Variants in DIP2A observed in about 807,000 individuals in gnomAD.
DIP2A encodes the protein disco-interacting protein 2 homolog A.
DIP2A carries 85 observed loss-of-function variants against 177.4 expected under a neutral mutation model. The ratio of observed to expected loss-of-function variants is 0.48; its 90% CI spans 0.40 to 0.57. The LOEUF is 0.57. Among genes scored for constraint, DIP2A ranks in the 20% least tolerant of loss-of-function variants. The pLI is 0.00. For synonymous variants in DIP2A, 886 were observed against 881.8 expected (o/e 1.00, Z -0.08); for missense variants, 1,791 against 2,100.2 (o/e 0.85, Z 2.88).
intron 9 of DIP2A, among the ~76,000 whole-genome samples, chr21:46,531,026 A>G (rs940517112): frequency 1.3e-5 from 2 of 152,174 alleles, no homozygotes; most frequent in African/African-American, 4.8e-5. Context: ...GCTCGCAAGC[A>G]CTTTCTTGTC....
intron 4 of DIP2A, among the ~76,000 whole-genome samples, chr21:46,497,523 G>C (rs1466950200): frequency 6.6e-6 from 1 of 152,140 alleles, no homozygotes; most frequent in Non-Finnish European, 1.5e-5. Context: ...AACAGTATAA[G>C]ACTATTTGGA....
chr21:46,490,997 A>G (rs546359248), intron 3 of DIP2A, among the ~76,000 whole-genome samples: 10 of 152,336 alleles, frequency 6.6e-5, no homozygotes, highest in Admixed American at 6.5e-4. Flanking sequence ...TCTTACTAGA[A>G]TAATTTCTTT....
intron 19 of DIP2A, among the ~76,000 whole-genome samples, chr21:46,545,479 G>GC (rs2059990656): frequency 1.3e-5 from 2 of 152,344 alleles, no homozygotes; most frequent in South Asian, 4.1e-4. Flanking sequence ...GACCAGGCAT[G>GC]CTGTGGAGGG....
At chr21:46,460,048 G>A (rs992474592) in intron 1 of DIP2A, among the ~76,000 whole-genome samples, 1 of 152,226 alleles carries the variant, frequency 6.6e-6, no homozygotes, top group Non-Finnish European at 1.5e-5. Flanking sequence ...TACTCTAGGA[G>A]CTGCACCCTG....
At chr21:46,511,248 A>T (rs1484092668) in intron 7 of DIP2A, among the ~76,000 whole-genome samples, 169 bp from the exon 8 acceptor site, 1 of 152,210 alleles carries the variant, frequency 6.6e-6, no homozygotes, top group Non-Finnish European at 1.5e-5. Context: ...AGCTCCTTTA[A>T]TCCTTTGGTT....
At chr21:46,497,248 C>T (rs1216992665) in intron 4 of DIP2A, 141 bp downstream of exon 4, 4 of 1,035,036 alleles carry the variant, frequency 3.9e-6, no homozygotes, top group Admixed American at 3.4e-5. Context: ...AAAATGTTTG[C>T]ATATGCTCGT....
intron 35 of DIP2A, 143 bp downstream of exon 35, chr21:46,564,075 C>T: frequency 2.2e-6 from 2 of 904,498 alleles, no homozygotes; most frequent in South Asian, 1.7e-5. Flanking sequence ...CCGTGTACCT[C>T]CCAGACCCAG....
At chr21:46,558,795 T>C (rs1314371298) in intron 32 of DIP2A, 4 of 269,898 alleles carry the variant, frequency 1.5e-5, no homozygotes, top group Admixed American at 5.2e-5. Flanking sequence ...AATGTCTTAT[T>C]AAAAGGAAGC....
intron 1 of DIP2A, among the ~76,000 whole-genome samples, chr21:46,461,897 CAAAAA>C (rs34255178): frequency 7.2e-6 from 1 of 138,720 alleles, no homozygotes; most frequent in Non-Finnish European, 1.6e-5. Context: ...CTGCCTCTTC[CAAAAA>C]AAAAAAAAAA....
rs2060458351 is a variant in DIP2A at position 46,556,090 on chromosome 21, A to G, written c.3497A>G (p.Lys1166Arg). 2 of 1,612,430 alleles carry G rather than the reference A, an allele frequency of 1.2e-6. No homozygotes were observed. The highest frequency in any genetic ancestry group is 1.7e-6 in the Non-Finnish European group (2 of 1,178,494). ...VSTTGILAGV[K>R]MSHAATSALC... ...ACCACTGGGATATTAGCGGGAGTGAAGGTAGGTCCTCTGAAATCTTGTTTG... is the reference window on the plus strand; with the variant it reads ...ACCACTGGGATATTAGCGGGAGTGAGGGTAGGTCCTCTGAAATCTTGTTTG... The change falls in exon 29 of 38, where the codon AAG becomes AGG. Residue 1166 changes from lysine to arginine, a missense_variant and splice_region_variant. Coordinates refer to ENST00000417564, the MANE Select transcript of DIP2A (RefSeq NM_015151.4). This position sits in a 1 kb window ranked among gnomAD's most constrained non-coding sequence, Gnocchi z 4.5.
chr21:46,573,689 T>A (rs1299785839), downstream of DIP2A, among the ~76,000 whole-genome samples: 2 of 103,940 alleles, frequency 1.9e-5, no homozygotes, highest in Non-Finnish European at 2.0e-5. Context: ...AAAAAGATAT[T>A]CCATGCAAAT....
rs768372604 is a variant in DIP2A at position 46,546,996 on chromosome 21, G to A, written c.2476G>A (p.Ala826Thr). Reference sequence around the variant, plus strand: ...CAGACACAATGCAGATGACGTTGTGGCCACCGCACTGGCCGTGGAGCCCAT... The same window carrying A: ...CAGACACAATGCAGATGACGTTGTGACCACCGCACTGGCCGTGGAGCCCAT... ...VRRHNADDVVATALAVEPMKF... is the reference protein window; with the variant it reads ...VRRHNADDVVTTALAVEPMKF... Residue 826 changes from alanine to threonine, a missense_variant, in exon 21 of 38, where the codon GCC becomes ACC. By Grantham distance (58) the Ala-to-Thr change is moderately conservative. Coordinates refer to ENST00000417564, the MANE Select transcript of DIP2A (RefSeq NM_015151.4). The A allele has an allele frequency of 3.2e-5, 51 of 1,613,856 alleles. No individual in the cohort carries two copies. Among genetic ancestry groups the A allele is most frequent in the Middle Eastern group, 1.6e-4 (1 of 6,084 alleles).
At chr21:46,486,289 C>G (rs545401828) in intron 2 of DIP2A, among the ~76,000 whole-genome samples, 1 of 152,236 alleles carries the variant, frequency 6.6e-6, no homozygotes, top group African/African-American at 2.4e-5. Context: ...ACTGCAGTCT[C>G]AAACTCCTGG....
At chr21:46,501,904 CATCAGGCT>C (rs1291911307) in intron 5 of DIP2A, among the ~76,000 whole-genome samples, 1 of 152,158 alleles carries the variant, frequency 6.6e-6, no homozygotes, top group Non-Finnish European at 1.5e-5. Flanking sequence ...ATTTGATCAG[CATCAGGCT>C]TTTTCAAGGG....
chr21:46,469,726 T>C (rs1344241576), intron 1 of DIP2A, among the ~76,000 whole-genome samples: 2 of 152,236 alleles, frequency 1.3e-5, no homozygotes, highest in Non-Finnish European at 2.9e-5. Flanking sequence ...TTCTTAGTGC[T>C]GCCTTTAGTC....
At chr21:46,512,078 G>A (rs2839300) in intron 8 of DIP2A, among the ~76,000 whole-genome samples, 24,266 of 151,938 alleles carry the variant, frequency 0.16, 2,199 homozygotes, top group African/African-American at 0.21. Flanking sequence ...CCTTCCACAC[G>A]CAAAGGGTAA....
chr21:46,580,785 G>T, the DIP2A span, among the ~76,000 whole-genome samples: 9 of 152,162 alleles, frequency 5.9e-5, no homozygotes, highest in Non-Finnish European at 1.0e-4. Context: ...ATCTCTTCTG[G>T]TTTGTAGGGT....
chr21:46,538,930 G>A lies in DIP2A; in HGVS notation c.1921+328G>A, dbSNP rs141976645. On this transcript the variant is annotated intron_variant, in intron 16 of 37. Coordinates refer to ENST00000417564, the MANE Select transcript of DIP2A (RefSeq NM_015151.4). ...CTTTAGGCCTCATCCCCACCCTCCT[G>A]CCCTTTGTCCTGGTGCCCCCACGTC... The A allele has an allele frequency of 7.9e-5, 20 of 253,354 alleles. No individual in the cohort carries two copies. In the East Asian group the frequency reaches 9.1e-4, roughly 12 times the overall value. The allele number at this position is 253,354 out of a possible 1,614,324, so 15.7% of individuals were successfully genotyped here.
At chr21:46,526,036 G>A (rs1288826387) in intron 8 of DIP2A, among the ~76,000 whole-genome samples, 2 of 151,802 alleles carry the variant, frequency 1.3e-5, no homozygotes, top group Non-Finnish European at 2.9e-5. Context: ...AGTCTCCTGA[G>A]TAGCTGGGAT....
Sources: gnomAD v4.1 joint callset for allele counts (sites outside exome capture counted in the v4.1 genomes callset) on GRCh38, gnomAD v4.1.1 for gene constraint, Gnocchi (gnomAD v3.1) non-coding constraint, MANE v1.5 for transcripts, NCBI Gene and HGNC (gene_info 2026-07-23, HGNC 2026-07-21) for gene names.